Variants in AFDN observed in about 807,000 individuals in gnomAD.
The protein encoded by AFDN is afadin.
Under a neutral mutation model 216.6 loss-of-function variants are expected in AFDN, and 68 were observed. That is an observed-to-expected ratio of 0.31 (90% CI 0.26 to 0.38). AFDN has a LOEUF of 0.38. AFDN is among the 10% of genes least tolerant of loss of function. The pLI is 1.00. For synonymous variants in AFDN, 868 were observed against 853.7 expected (o/e 1.02, Z -0.29); for missense variants, 2,136 against 2,342.0 (o/e 0.91, Z 1.82).
intron 6 of AFDN, among the ~76,000 whole-genome samples, chr6:167,883,430 A>G (rs1382431888): frequency 6.6e-6 from 1 of 152,204 alleles, no homozygotes; most frequent in African/African-American, 2.4e-5. Flanking sequence ...GCACTAAGGA[A>G]TGCTTCTACC....
Position 167,925,049 on chromosome 6 carries a change from A to T in AFDN, c.3057A>T (p.Leu1019=), listed in dbSNP as rs539632569. The T allele has an allele frequency of 3.1e-6, 5 of 1,613,654 alleles. No homozygotes were observed. In the South Asian group the frequency reaches 4.4e-5, roughly 14 times the overall value. Residue 1019 remains leucine (L), a synonymous_variant, in exon 23 of 34, where the codon CTA becomes CTT. Coordinates refer to ENST00000683244, the MANE Select transcript of AFDN (RefSeq NM_001386888.1). ...RKEPEIITVT[L]KKQNGMGLSI... ...AACCTGAAATAATCACTGTGACCCT[A>T]AAAAAGCAGAATGGAATGGGCCTTA...
chr6:167,893,243 G>A (rs568674432), intron 8 of AFDN, among the ~76,000 whole-genome samples: 8 of 152,274 alleles, frequency 5.3e-5, no homozygotes, highest in Admixed American at 2.0e-4. Context: ...TCATGATGTC[G>A]TTTTAGGTTT....
intron 9 of AFDN, among the ~76,000 whole-genome samples, chr6:167,894,442 T>G (rs930612239): frequency 2.0e-5 from 3 of 152,170 alleles, no homozygotes; most frequent in Admixed American, 6.5e-5. Flanking sequence ...GGGAGAAAAT[T>G]TGGGATTTTT....
chr6:167,966,348 TGTA>T, intron 32 of AFDN: 2 of 1,260,228 alleles, frequency 1.6e-6, no homozygotes, highest in Non-Finnish European at 2.1e-6. Context: ...ACACTTGCCC[TGTA>T]GTATGGTCCA....
At position 167,870,549 on chromosome 6, in the gene AFDN, C is replaced by CTG. The variant is rs773084180; in HGVS notation, c.414+52_414+53dup. ...GGTCTTGGTCCAGGGCCAGGTCTGA[C>CTG]TGATAAACAGGAGACTGATGTTTTG... On this transcript the variant is annotated intron_variant, in intron 3 of 33. Coordinates refer to ENST00000683244, the MANE Select transcript of AFDN (RefSeq NM_001386888.1). 15 of 1,106,778 alleles carry CTG rather than the reference C, an allele frequency of 1.4e-5. No individual in the cohort carries two copies. The East Asian group carries it at 3.7e-4, about 27-fold the overall frequency. 68.6% of individuals were successfully genotyped at this position (1,106,778 alleles called of 1,614,324 possible).
intron 6 of AFDN, among the ~76,000 whole-genome samples, chr6:167,881,841 T>C (rs1786154075): frequency 6.6e-6 from 1 of 152,174 alleles, no homozygotes; most frequent in Admixed American, 6.5e-5. Context: ...TATGGATCCC[T>C]CTCAGAAGGC....
At position 167,872,339 on chromosome 6, in the gene AFDN, A is replaced by G. The variant is rs1286260684; in HGVS notation, c.540A>G (p.Ala180=). The change falls in exon 4 of 34, where the codon GCA becomes GCG. Residue 180 remains alanine (A), a synonymous_variant. Transcript: ENST00000683244. ...GAGAAAAAGAGGCATTGCGACAGGCATCTGATAAAGATGATAGACCTTTCC... is the reference window on the plus strand; with the variant it reads ...GAGAAAAAGAGGCATTGCGACAGGCGTCTGATAAAGATGATAGACCTTTCC... ...KKREKEALRQ[A]SDKDDRPFQG... is the part of the protein sequence containing the mutation. The G allele has an allele frequency of 2.5e-6, 4 of 1,613,872 alleles. No individual in the cohort carries two copies. Among genetic ancestry groups the G allele is most frequent in the Non-Finnish European group, 2.5e-6 (3 of 1,179,924 alleles).
intron 9 of AFDN, 37 bp from the exon 10 acceptor site, chr6:167,896,841 C>T (rs756023104): frequency 7.7e-7 from 1 of 1,292,512 alleles, no homozygotes; most frequent in South Asian, 1.2e-5. Context: ...TAATATTAGA[C>T]TTTGCAAATA....
intron 32 of AFDN, 126 bp from the exon 33 acceptor site, chr6:167,968,988 G>C (rs1442037478): frequency 1.4e-6 from 1 of 708,098 alleles, no homozygotes; most frequent in Non-Finnish European, 2.5e-6. Context: ...CAATATGAGG[G>C]GTCTTTTACC....
rs199539990 is a variant in AFDN at position 167,898,339 on chromosome 6, G to A, written c.1452G>A (p.Gln484=). 933 of 1,614,168 alleles carry A rather than the reference G, an allele frequency of 5.8e-4. 13 individuals are homozygous for A. The South Asian group carries it at 9.6e-3, about 17-fold the overall frequency. Reference sequence around the variant, plus strand: ...GCATCTCAGAAACCACCATGCTGCAGAGTGGCATGAAAGTGCAGTTTGGGG... The same window carrying A: ...GCATCTCAGAAACCACCATGCTGCAAAGTGGCATGAAAGTGCAGTTTGGGG... ...GQRISETTML[Q]SGMKVQFGAS... Residue 484 remains glutamine, a synonymous_variant, in exon 11 of 34, where the codon CAG becomes CAA. Coordinates refer to ENST00000683244, the MANE Select transcript of AFDN (RefSeq NM_001386888.1).
intron 29 of AFDN, among the ~76,000 whole-genome samples, chr6:167,949,770 T>C (rs1385059540): frequency 2.0e-5 from 3 of 152,206 alleles, no homozygotes; most frequent in Non-Finnish European, 4.4e-5. Flanking sequence ...TGAATCCCAT[T>C]TTTATGCACA....
rs140646581 is a variant in AFDN, at chr6:167,861,318, A to G, written c.106-3233A>G. 4.8e-3 allele frequency among the ~76,000 whole-genome samples: 738 copies of G among 152,336 alleles called. 10 individuals are homozygous for G. The highest frequency in any genetic ancestry group is 0.017 in the African/African-American group (696 of 41,580). ...TCAAACTAAATTAATATTTATTAAC[A>G]TGTAGTGCAAATGAAATATACTAAA... On this transcript the variant is annotated intron_variant, in intron 1 of 33. Coordinates refer to ENST00000683244, the MANE Select transcript of AFDN (RefSeq NM_001386888.1).
chr6:167,892,544 A>G (rs1787743515), intron 8 of AFDN, among the ~76,000 whole-genome samples: 1 of 152,230 alleles, frequency 6.6e-6, no homozygotes, highest in African/African-American at 2.4e-5. Flanking sequence ...AGAAATTAAT[A>G]AATAGCAGCT....
intron 22 of AFDN, 80 bp downstream of exon 22, chr6:167,923,039 A>G (rs1792028813): frequency 1.0e-6 from 1 of 983,058 alleles, no homozygotes; most frequent in Non-Finnish European, 1.6e-6. Flanking sequence ...TCTTTCTTAC[A>G]CTGAAGATTG....
At chr6:167,923,562 C>G (rs1360405948) in intron 22 of AFDN, among the ~76,000 whole-genome samples, 1 of 148,562 alleles carries the variant, frequency 6.7e-6, no homozygotes, top group East Asian at 2.0e-4. Flanking sequence ...GATGATCGTT[C>G]TTTTGTACCA....
chr6:167,940,289 A>G (rs534188114), intron 23 of AFDN, among the ~76,000 whole-genome samples: 274 of 138,816 alleles, frequency 2.0e-3, no homozygotes, highest in African/African-American at 7.4e-3. Context: ...GTGAGGGTGG[A>G]AGCCATCCAC....
At chr6:167,948,038 G>C in intron 28 of AFDN, 94 bp downstream of exon 28, 1 of 947,322 alleles carries the variant, frequency 1.1e-6, no homozygotes, top group Non-Finnish European at 1.6e-6. Flanking sequence ...TTTTTACTCT[G>C]AATTAGCATT....
chr6:167,888,020 T>C (rs1787083237), intron 6 of AFDN, among the ~76,000 whole-genome samples: 1 of 152,122 alleles, frequency 6.6e-6, no homozygotes, highest in African/African-American at 2.4e-5. Context: ...GACATGAAAG[T>C]TGGGGCAGGA....
chr6:167,908,783 C>T (rs1790029185), intron 13 of AFDN, among the ~76,000 whole-genome samples: 1 of 152,036 alleles, frequency 6.6e-6, no homozygotes, highest in African/African-American at 2.4e-5. Context: ...TAATTATAAA[C>T]TATGTTGTTT....
Sources: gnomAD v4.1 joint callset for allele counts (sites outside exome capture counted in the v4.1 genomes callset) on GRCh38, gnomAD v4.1.1 for gene constraint, MANE v1.5 for transcripts, NCBI Gene and HGNC (gene_info 2026-07-23, HGNC 2026-07-21) for gene names.